The following GOSR1 variants were observed in gnomAD, a reference collection of about 807,000 sequenced individuals.
The protein encoded by GOSR1 is 28 kDa Golgi SNARE protein.
In GOSR1, 21 loss-of-function variants were observed where a neutral mutation model predicts 35.5. The ratio of observed to expected loss-of-function variants is 0.59; its 90% CI spans 0.42 to 0.85. GOSR1 has a LOEUF of 0.85. Ranked by LOEUF, GOSR1 falls within the 40% of genes least tolerant of loss-of-function variation. The probability of loss-of-function intolerance (pLI) is 0.00; values close to 1 mark genes in which losing one functional copy is unlikely to be tolerated. For synonymous variants in GOSR1, 94 were observed against 106.6 expected (o/e 0.88, Z 0.73); for missense variants, 285 against 309.6 (o/e 0.92, Z 0.60).
chr17:30,515,908 G>C (rs1050027937), intron 7 of GOSR1, among the ~76,000 whole-genome samples: 1 of 152,150 alleles, frequency 6.6e-6, no homozygotes, highest in African/African-American at 2.4e-5. Flanking sequence ...AAACACATAG[G>C]AAATCAGGAC....
chr17:30,513,422 T>G (rs996595724), intron 7 of GOSR1, among the ~76,000 whole-genome samples: 26 of 152,176 alleles, frequency 1.7e-4, no homozygotes, highest in African/African-American at 6.3e-4. Flanking sequence ...ATTTGACCCT[T>G]GAAATAACAG....
rs565306192 is a variant in GOSR1 at position 30,522,968 on chromosome 17, G to T, written c.*590G>T. 2.3e-4 allele frequency: 49 copies of T among 210,590 alleles called. No homozygotes were observed. Among genetic ancestry groups the T allele is most frequent in the African/African-American group, 1.1e-3 (46 of 42,146 alleles). The allele number at this position is 210,590 out of a possible 1,614,324, so 13.0% of individuals were successfully genotyped here. A position where few individuals can be genotyped will look rare whatever the true frequency, so the allele number is the denominator to read the frequency against. On this transcript the variant is annotated 3_prime_UTR_variant, in exon 9 of 9. Coordinates refer to ENST00000451249, the MANE Select transcript of GOSR1 (RefSeq NM_001007025.2). ...GTGCCTGCAATTGCAGGCGAGCGCCGCCACGCCTGACTGCCTCGGCCTCCC... is the reference window on the plus strand; with the variant it reads ...GTGCCTGCAATTGCAGGCGAGCGCCTCCACGCCTGACTGCCTCGGCCTCCC...
At chr17:30,495,588 T>C (rs1444231445) in intron 6 of GOSR1, 1 of 348,666 alleles carries the variant, frequency 2.9e-6, no homozygotes, top group Non-Finnish European at 5.7e-6. Flanking sequence ...TACAGGTGTG[T>C]CACCTTAGCA....
rs562019670 is a variant in GOSR1 at position 30,521,587 on chromosome 17, T to TC, written c.623-666dup. Among the ~76,000 whole-genome samples the TC allele has an allele frequency of 2.9e-3, 378 of 130,682 alleles. 3 individuals carry two copies. Among genetic ancestry groups the TC allele is most frequent in the African/African-American group, 9.2e-3 (341 of 37,202 alleles). The allele number at this position is 130,682 out of a possible 152,430, so 85.7% of individuals were successfully genotyped here. A position where few individuals can be genotyped will look rare whatever the true frequency, so the allele number is the denominator to read the frequency against. Reference sequence around the variant, plus strand: ...TTACAATTACTCCAAAAGAATGTGTTCAAAAAAAAAAAAAATCAAAAAAAA... The same window carrying TC: ...TTACAATTACTCCAAAAGAATGTGTTCCAAAAAAAAAAAAAATCAAAAAAAA... On this transcript the variant is annotated intron_variant, in intron 8 of 8. Transcript: ENST00000451249.
At chr17:30,502,854 T>A (rs1254743271) in intron 6 of GOSR1, among the ~76,000 whole-genome samples, 1 of 152,222 alleles carries the variant, frequency 6.6e-6, no homozygotes, top group Non-Finnish European at 1.5e-5. Flanking sequence ...GCAGCTTAAT[T>A]GTATTCAGTT....
At chr17:30,520,594 AC>A (rs1280665316) in intron 8 of GOSR1, among the ~76,000 whole-genome samples, 2 of 152,138 alleles carry the variant, frequency 1.3e-5, no homozygotes, top group African/African-American at 4.8e-5. Flanking sequence ...CTTCCCAGAA[AC>A]CCACTAGGGA....
intron 8 of GOSR1, among the ~76,000 whole-genome samples, chr17:30,521,515 A>C (rs530945291): frequency 7.9e-5 from 12 of 151,638 alleles, no homozygotes; most frequent in African/African-American, 2.7e-4. Context: ...AAAGTAGTAT[A>C]CTGGAACCTA....
At chr17:30,495,647 C>T in intron 6 of GOSR1, 1 of 302,888 alleles carries the variant, frequency 3.3e-6, no homozygotes, top group Non-Finnish European at 6.6e-6. Flanking sequence ...TTCCAAGCCT[C>T]TGCAGTCTCA....
intron 4 of GOSR1, among the ~76,000 whole-genome samples, chr17:30,488,560 G>A (rs1429051930): frequency 4.2e-5 from 6 of 143,652 alleles, no homozygotes; most frequent in African/African-American, 1.6e-4. Flanking sequence ...TTGAAACAGA[G>A]TCTCGCTCTG....
rs1968075586 is a variant in GOSR1, at chr17:30,522,527, G to A, written c.*149G>A. On this transcript the variant is annotated 3_prime_UTR_variant, in exon 9 of 9. Coordinates refer to ENST00000451249, the MANE Select transcript of GOSR1 (RefSeq NM_001007025.2). The stretch of plus-strand genomic sequence containing the variant: ...TGACAGTGATGGACTCTGTGACATG[G>A]TCAGGTTGAGCTGAAGCCACAGTTT... 1 of 516,656 alleles carries A rather than the reference G, an allele frequency of 1.9e-6. No homozygotes were observed. Among genetic ancestry groups the A allele is most frequent in the Admixed American group, 3.2e-5 (1 of 31,708 alleles). The allele number at this position is 516,656 out of a possible 1,614,324, so 32.0% of individuals were successfully genotyped here.
At chr17:30,489,229 C>G (rs1406012671) in intron 4 of GOSR1, among the ~76,000 whole-genome samples, 1 of 151,952 alleles carries the variant, frequency 6.6e-6, no homozygotes, top group Non-Finnish European at 1.5e-5. Context: ...ATTAAAAATA[C>G]AAAAATTAGC....
intron 7 of GOSR1, among the ~76,000 whole-genome samples, chr17:30,514,272 T>C (rs1967720845): frequency 1.3e-5 from 2 of 152,336 alleles, no homozygotes; most frequent in East Asian, 1.9e-4. Context: ...CCAACATTGT[T>C]CTGGTCCTAG....
chr17:30,506,565 C>T lies in GOSR1; in HGVS notation c.510-4315C>T, dbSNP rs111934217. Among the ~76,000 whole-genome samples the T allele has an allele frequency of 1.8e-3, 267 of 152,326 alleles. 1 individual carries two copies. The highest frequency in any genetic ancestry group is 5.8e-3 in the African/African-American group (243 of 41,566). Reference sequence around the variant, plus strand: ...CATGGGGTTTAAGGAAAGAAGCCATCTCTATAATATAGAAGTGCAAGGTTG... The same window carrying T: ...CATGGGGTTTAAGGAAAGAAGCCATTTCTATAATATAGAAGTGCAAGGTTG... On this transcript the variant is annotated intron_variant, in intron 6 of 8. Coordinates refer to ENST00000451249, the MANE Select transcript of GOSR1 (RefSeq NM_001007025.2).
intron 5 of GOSR1, among the ~76,000 whole-genome samples, chr17:30,491,873 A>G (rs1233527298): frequency 6.6e-6 from 1 of 152,172 alleles, no homozygotes; most frequent in Non-Finnish European, 1.5e-5. Context: ...CTATGAAATG[A>G]TTCAGTATAG....
At chr17:30,510,661 T>C in intron 6 of GOSR1, 5 of 319,510 alleles carry the variant, frequency 1.6e-5, no homozygotes, top group Non-Finnish European at 3.0e-5. Flanking sequence ...CTGCAGTGAG[T>C]TGAGATTACA....
chr17:30,477,449 A>T lies in GOSR1; in HGVS notation c.16A>T (p.Ser6Cys), dbSNP rs369485696. MAAGT[S>C]SYWEDLRKQA... ...GACGACAAAGATGGCGGCAGGGACC[A>T]GCAGTTACTGGGAAGGTGAGGGCGA... is the stretch of plus-strand genomic sequence containing the variant. Residue 6 changes from serine (S) to cysteine (C), a missense_variant, in exon 1 of 9, where the codon AGC becomes TGC. Transcript: ENST00000451249. The T allele has an allele frequency of 1.1e-5, 18 of 1,608,864 alleles. No individual in the cohort carries two copies. Among genetic ancestry groups the T allele is most frequent in the African/African-American group, 2.7e-5 (2 of 74,726 alleles).
In GOSR1 at chr17:30,477,444, G is replaced by C. The variant is rs756506762; in HGVS notation, c.11G>C (p.Gly4Ala). Residue 4 changes from glycine to alanine, a missense_variant, in exon 1 of 9, where the codon GGG becomes GCG. By Grantham distance (60) the Gly-to-Ala change is moderately conservative. This residue lies in a region of GOSR1 where 108 missense variants were observed against 98.9 expected (regional missense o/e 1.09). Coordinates refer to ENST00000451249, the MANE Select transcript of GOSR1 (RefSeq NM_001007025.2). ...CGTTGGACGACAAAGATGGCGGCAG[G>C]GACCAGCAGTTACTGGGAAGGTGAG... MAA[G>A]TSSYWEDLRK... is the part of the protein sequence containing the mutation. 1.2e-6 allele frequency: 2 copies of C among 1,609,324 alleles called. No homozygotes were observed. Among genetic ancestry groups the C allele is most frequent in the Non-Finnish European group, 1.7e-6 (2 of 1,177,358 alleles).
intron 6 of GOSR1, among the ~76,000 whole-genome samples, chr17:30,496,262 C>G (rs1966995332): frequency 6.6e-6 from 1 of 152,198 alleles, no homozygotes; most frequent in South Asian, 2.1e-4. Flanking sequence ...CACCTGCTGT[C>G]TCTGTGTCAG....
At chr17:30,485,084 A>G in intron 4 of GOSR1, 2 of 392,010 alleles carry the variant, frequency 5.1e-6, no homozygotes, top group Non-Finnish European at 9.7e-6. Context: ...TGTATAGACA[A>G]TAACGTGGTG....
Sources: gnomAD v4.1 joint callset for allele counts (sites outside exome capture counted in the v4.1 genomes callset) on GRCh38, gnomAD v4.1.1 for gene constraint, gnomAD v4.1.1 regional missense constraint, MANE v1.5 for transcripts, NCBI Gene and HGNC (gene_info 2026-07-23, HGNC 2026-07-21) for gene names.